The following ABCB5 variants were observed in gnomAD, a reference collection of about 807,000 sequenced individuals.
ABCB5 encodes ATP-binding cassette sub-family B member 5.
In ABCB5, 155 loss-of-function variants were observed where a neutral mutation model predicts 144.2. The ratio of observed to expected loss-of-function variants is 1.08; its 90% CI spans 0.94 to 1.23. The LOEUF is 1.23. Ranked by LOEUF, ABCB5 falls within the 50% of genes most tolerant of loss-of-function variation. The pLI is 0.00. For missense variants in ABCB5, 1,830 were observed against 1,520.8 expected, an observed-to-expected ratio of 1.20 and a Z score of -3.38; for synonymous variants, 610 against 528.6, an observed-to-expected ratio of 1.15 and a Z score of -2.11.
At chr7:20,750,671 T>C (rs747481240) in intron 26 of ABCB5, among the ~76,000 whole-genome samples, 1 of 152,242 alleles carries the variant, frequency 6.6e-6, no homozygotes, top group South Asian at 2.1e-4. Context: ...GACTTTTTTC[T>C]TCTAAGGTTG....
intron 14 of ABCB5, among the ~76,000 whole-genome samples, chr7:20,668,409 C>A (rs1416369341): frequency 6.7e-6 from 1 of 150,190 alleles, no homozygotes; most frequent in African/African-American, 2.5e-5. Flanking sequence ...CTCTGCTGGG[C>A]CGCAACCCTG....
rs966738596 is a variant in ABCB5, at chr7:20,756,976, A to C, written c.*1352A>C. 2.0e-5 allele frequency: 3 copies of C among 152,384 alleles called. No homozygotes were observed. Among genetic ancestry groups the C allele is most frequent in the Non-Finnish European group, 2.9e-5 (2 of 68,048 alleles). 9.4% of individuals were successfully genotyped at this position (152,384 alleles called of 1,614,324 possible). On this transcript the variant is annotated 3_prime_UTR_variant, in exon 28 of 28. Coordinates refer to ENST00000404938, the MANE Select transcript of ABCB5 (RefSeq NM_001163941.2). ...TTTATATATTATGCTGCTTTCTTTA[A>C]AATGCAAAATAAAAATAAGATTGGG... is the stretch of plus-strand genomic sequence containing the variant.
Position 20,681,658 on chromosome 7 carries a change from A to G in ABCB5, c.1861A>G (p.Met621Val), listed in dbSNP as rs1433076737. Residue 621 changes from methionine to valine, a missense_variant, in exon 15 of 28, where the codon ATG (methionine) becomes GTG (valine). Coordinates refer to ENST00000404938, the MANE Select transcript of ABCB5 (RefSeq NM_001163941.2). ...ACGAGGTCTATATTATTCACTTGTGATGTCACAGGTAATGCTTATGTGACA... is the reference window on the plus strand; with the variant it reads ...ACGAGGTCTATATTATTCACTTGTGGTGTCACAGGTAATGCTTATGTGACA... ...AKRGLYYSLVMSQDIKKADEQ... is the reference protein window; with the variant it reads ...AKRGLYYSLVVSQDIKKADEQ... 5 of 1,613,992 alleles carry G rather than the reference A, an allele frequency of 3.1e-6. No individual in the cohort carries two copies. The Admixed American group carries it at 5.0e-5, about 16-fold the overall frequency.
chr7:20,626,743 G>A (rs1783918171), intron 3 of ABCB5, 132 bp downstream of exon 3: 2 of 746,890 alleles, frequency 2.7e-6, no homozygotes, highest in African/African-American at 1.8e-5. Context: ...ATTCATTAAA[G>A]TATGATTTTC....
Position 20,643,580 on chromosome 7 carries a change from T to A in ABCB5, c.626T>A (p.Val209Glu). 6.2e-7 allele frequency: 1 copy of A among 1,613,976 alleles called. No homozygotes were observed. Among genetic ancestry groups the A allele is most frequent in the South Asian group, 1.1e-5 (1 of 91,084 alleles). Residue 209 changes from valine to glutamate, a missense_variant, in exon 7 of 28, where the codon GTG becomes GAG. By Grantham distance (121) the Val-to-Glu change is moderately radical. Transcript: ENST00000404938. ...GTGAAGGGCTGGAAACTCACCCTAG[T>A]GACTCTATCCACGTCTCCTCTTATA... is the stretch of plus-strand genomic sequence containing the variant. ...GLVKGWKLTL[V>E]TLSTSPLIMA...
At chr7:20,729,274 G>A (rs1319262712) in intron 23 of ABCB5, among the ~76,000 whole-genome samples, 30 of 152,198 alleles carry the variant, frequency 2.0e-4, no homozygotes, top group East Asian at 1.9e-4. Flanking sequence ...ACATGGGAAT[G>A]TGGGGGCAAA....
intron 17 of ABCB5, 101 bp downstream of exon 17, chr7:20,698,651 C>A: frequency 8.5e-7 from 1 of 1,177,412 alleles, no homozygotes; most frequent in Non-Finnish European, 1.2e-6. Flanking sequence ...AAAATTGGGA[C>A]TTTTAGTGGG....
chr7:20,616,617 T>TAAG (rs1171197699), intron 1 of ABCB5, among the ~76,000 whole-genome samples: 2 of 152,228 alleles, frequency 1.3e-5, no homozygotes, highest in Non-Finnish European at 2.9e-5. Context: ...TGTCAATAAG[T>TAAG]AAGAATTGGC....
Position 20,628,812 on chromosome 7 carries a change from G to A in ABCB5, c.233G>A (p.Ser78Asn), listed in dbSNP as rs866069835. Residue 78 changes from serine (S) to asparagine (N), a missense_variant, in exon 4 of 28, where the codon AGT becomes AAT. Coordinates refer to ENST00000404938, the MANE Select transcript of ABCB5 (RefSeq NM_001163941.2). ...GGAGAAATGAGTGATAACCTTATTA[G>A]TGGATGTCTAGTCCAAACTAACACA... ...VLGEMSDNLI[S>N]GCLVQTNTTN... The A allele has an allele frequency of 6.2e-7, 1 of 1,613,690 alleles. No homozygotes were observed. The highest frequency in any genetic ancestry group is 1.7e-5 in the Admixed American group (1 of 59,926).
chr7:20,711,794 T>TCTCTCTC (rs1562573624), intron 20 of ABCB5, among the ~76,000 whole-genome samples: 3,613 of 84,812 alleles, frequency 0.043, 765 homozygotes, highest in East Asian at 0.082. Flanking sequence ...CTTTCTTTCT[T>TCTCTCTC]TCTTTCTTTC....
intron 27 of ABCB5, 106 bp from the exon 28 acceptor site, chr7:20,755,321 G>A (rs1783054143): frequency 1.1e-6 from 1 of 935,170 alleles, no homozygotes. Flanking sequence ...TTGGGGACAA[G>A]CAAATAAAGC....
At chr7:20,649,465 A>G (rs1038454947) in intron 11 of ABCB5, among the ~76,000 whole-genome samples, 1 of 152,194 alleles carries the variant, frequency 6.6e-6, no homozygotes, top group Non-Finnish European at 1.5e-5. Context: ...TCCCTGGCAC[A>G]CTAAATGCTG....
chr7:20,635,381 T>A (rs973858159), intron 5 of ABCB5, among the ~76,000 whole-genome samples: 1 of 123,448 alleles, frequency 8.1e-6, no homozygotes, highest in African/African-American at 3.3e-5. Flanking sequence ...GTTTTGGTTA[T>A]AAAGGCTTTT....
At position 20,727,142 on chromosome 7, in the gene ABCB5, T is replaced by C. The variant is rs1007285778; in HGVS notation, c.2726+2T>C. The C allele has an allele frequency of 6.2e-7, 1 of 1,610,110 alleles. No individual in the cohort carries two copies. The highest frequency in any genetic ancestry group is 8.5e-7 in the Non-Finnish European group (1 of 1,177,416). ...AGAGATGCTTCAGACTCAACACAGGTGATTATAGATTCATACTGACTTCAA... is the reference window on the plus strand; with the variant it reads ...AGAGATGCTTCAGACTCAACACAGGCGATTATAGATTCATACTGACTTCAA... On this transcript the variant is annotated splice_donor_variant, in intron 22 of 27. Transcript: ENST00000404938. LOFTEE classifies it high-confidence loss of function.
chr7:20,710,873 G>T lies in ABCB5; in HGVS notation c.2421+6066G>T, dbSNP rs117548992. On this transcript the variant is annotated intron_variant, in intron 20 of 27. Transcript: ENST00000404938. Reference sequence around the variant, plus strand: ...TTTTCCTATTTTTCTGCCTTCTTTTGGATTAAAATTTTTTAGTATTCTATT... The same window carrying T: ...TTTTCCTATTTTTCTGCCTTCTTTTTGATTAAAATTTTTTAGTATTCTATT... Among the ~76,000 whole-genome samples, 35 of 149,742 alleles carry T rather than the reference G, an allele frequency of 2.3e-4. 1 individual carries two copies. The highest frequency in any genetic ancestry group is 4.3e-4 in the Non-Finnish European group (29 of 67,282).
At chr7:20,700,489 T>C (rs1022271411) in intron 19 of ABCB5, among the ~76,000 whole-genome samples, 1 of 152,228 alleles carries the variant, frequency 6.6e-6, no homozygotes, top group Admixed American at 6.5e-5. Context: ...TGGGAATGTA[T>C]CTGAAAAGAA....
At position 20,710,044 on chromosome 7, in the gene ABCB5, G is replaced by A. The variant is rs572833374; in HGVS notation, c.2421+5237G>A. On this transcript the variant is annotated intron_variant, in intron 20 of 27. Transcript: ENST00000404938. ...CATGCCACTGCACTCCATCCTGGGC[G>A]ACAGAGCAAGACTCTAAAAAAAAAA... Among the ~76,000 whole-genome samples the A allele has an allele frequency of 6.2e-5, 9 of 144,792 alleles. No individual in the cohort carries two copies. The South Asian group carries it at 6.8e-4, about 11-fold the overall frequency. The allele number at this position is 144,792 out of a possible 152,430, so 95.0% of individuals were successfully genotyped here.
intron 1 of ABCB5, among the ~76,000 whole-genome samples, chr7:20,619,781 G>A (rs1406335015): frequency 6.6e-6 from 1 of 152,150 alleles, no homozygotes; most frequent in African/African-American, 2.4e-5. Context: ...TATTTCTTAA[G>A]TTTTCTTCCA....
intron 16 of ABCB5, among the ~76,000 whole-genome samples, chr7:20,690,077 T>C (rs1400057115): frequency 6.6e-6 from 1 of 152,190 alleles, no homozygotes; most frequent in Non-Finnish European, 1.5e-5. Flanking sequence ...GTTCATGACC[T>C]ATAGGGAATT....
Sources: gnomAD v4.1 joint callset for allele counts (sites outside exome capture counted in the v4.1 genomes callset) on GRCh38, gnomAD v4.1.1 for gene constraint, MANE v1.5 for transcripts, NCBI Gene and HGNC (gene_info 2026-07-23, HGNC 2026-07-21) for gene names.